The following OTUD7A variants were observed in gnomAD, a reference collection of about 807,000 sequenced individuals.
OTUD7A encodes OTU deubiquitinase 7A, also known as OTU domain-containing protein 7A.
In OTUD7A, 12 loss-of-function variants were observed where a neutral mutation model predicts 65.7. That is an observed-to-expected ratio of 0.18 (90% CI 0.12 to 0.30). The LOEUF (loss-of-function observed/expected upper bound fraction) is 0.30, where lower values mean the gene tolerates loss of function less well. Among genes scored for constraint, OTUD7A ranks in the 10% least tolerant of loss-of-function variants. The pLI is 1.00. For missense variants in OTUD7A, 1,148 were observed against 1,304.8 expected, an observed-to-expected ratio of 0.88 and a Z score of 1.85; for synonymous variants, 641 against 586.3, an observed-to-expected ratio of 1.09 and a Z score of -1.35.
chr15:31,556,846 T>C (rs943999807), intron 5 of OTUD7A: 3 of 152,268 alleles, frequency 2.0e-5, no homozygotes, highest in African/African-American at 4.8e-5. Context: ...GCTTTTTCTA[T>C]TGAAAATATC....
chr15:31,549,929 A>C (rs1182077727), intron 5 of OTUD7A, among the ~76,000 whole-genome samples: 1 of 151,896 alleles, frequency 6.6e-6, no homozygotes, highest in African/African-American at 2.4e-5. Context: ...TACATACAAA[A>C]TACTCTACTA....
At chr15:31,529,792 C>A (rs2042062051) in intron 6 of OTUD7A, among the ~76,000 whole-genome samples, 1 of 152,160 alleles carries the variant, frequency 6.6e-6, no homozygotes, top group African/African-American at 2.4e-5. Flanking sequence ...TAGGTCATGG[C>A]ACCCAGTTAA....
chr15:31,832,730 A>G (rs1468828462), intron 1 of OTUD7A, among the ~76,000 whole-genome samples: 2 of 152,356 alleles, frequency 1.3e-5, no homozygotes, highest in African/African-American at 2.4e-5. Flanking sequence ...TATTTCACTT[A>G]GCATAATGTC....
intron 5 of OTUD7A, chr15:31,556,520 T>C (rs1212080208): frequency 1.3e-5 from 2 of 152,160 alleles, no homozygotes; most frequent in African/African-American, 4.8e-5. Flanking sequence ...AGGTAAAATA[T>C]AAGTGATAAA....
intron 1 of OTUD7A, among the ~76,000 whole-genome samples, chr15:31,747,300 C>A (rs1296310302): frequency 6.6e-6 from 1 of 152,130 alleles, no homozygotes; most frequent in Non-Finnish European, 1.5e-5. Flanking sequence ...TGAGCACATC[C>A]AGCACCCAAA....
At chr15:31,518,589 G>T (rs16956825) in intron 8 of OTUD7A, among the ~76,000 whole-genome samples, 4,112 of 152,318 alleles carry the variant, frequency 0.027, 187 homozygotes, top group African/African-American at 0.094. Flanking sequence ...ATACTCACTA[G>T]TCCAACCACT....
At chr15:31,851,317 G>T (rs1455603315) in intron 1 of OTUD7A, among the ~76,000 whole-genome samples, 1 of 152,188 alleles carries the variant, frequency 6.6e-6, no homozygotes, top group Non-Finnish European at 1.5e-5. Flanking sequence ...GAAATTAGAA[G>T]ATGTAATGAA....
At chr15:31,654,746 G>T (rs1276968798) in intron 3 of OTUD7A, among the ~76,000 whole-genome samples, 1 of 152,140 alleles carries the variant, frequency 6.6e-6, no homozygotes, top group East Asian at 1.9e-4. Flanking sequence ...GAGGATGAAG[G>T]CTGTCTTCTT....
At chr15:31,789,471 G>A (rs565374275) in intron 1 of OTUD7A, among the ~76,000 whole-genome samples, 11 of 152,214 alleles carry the variant, frequency 7.2e-5, no homozygotes, top group African/African-American at 2.4e-4. Flanking sequence ...ACATGAAAAG[G>A]GCAACACATT....
intron 1 of OTUD7A, among the ~76,000 whole-genome samples, chr15:31,686,437 C>A (rs1892838549): frequency 6.6e-6 from 1 of 152,248 alleles, no homozygotes; most frequent in South Asian, 2.1e-4. Context: ...TCCACACACT[C>A]AAGTGAAACT....
intron 1 of OTUD7A, among the ~76,000 whole-genome samples, chr15:31,865,168 C>T (rs1897846171): frequency 6.6e-6 from 1 of 152,212 alleles, no homozygotes; most frequent in Admixed American, 6.5e-5. Flanking sequence ...AAAACAAATA[C>T]TCCAATTCAT....
rs181145059 is a variant in OTUD7A at position 31,767,451 on chromosome 15, T to C, written c.-100+103056A>G. ...ATTCATATCATTGCTTCTTGGCCAA[T>C]TTGCTAGGCACTTCATGGCAGATAA... is the stretch of plus-strand genomic sequence containing the variant. On this transcript the variant is annotated intron_variant, in intron 1 of 12. Transcript: ENST00000307050. 1.2e-3 allele frequency: 957 copies of C among 774,052 alleles called. 13 individuals are homozygous for C. The highest frequency in any genetic ancestry group is 0.011 in the South Asian group (788 of 74,520). The allele number at this position is 774,052 out of a possible 1,614,324, so 47.9% of individuals were successfully genotyped here.
chr15:31,628,603 AAAG>A (rs1891039954), intron 3 of OTUD7A, among the ~76,000 whole-genome samples: 1 of 152,154 alleles, frequency 6.6e-6, no homozygotes, highest in Admixed American at 6.6e-5. Context: ...TATCAACTTT[AAAG>A]TAGTTTTTTC....
At chr15:31,773,054 A>G (rs1191260116) in intron 1 of OTUD7A, among the ~76,000 whole-genome samples, 1 of 152,238 alleles carries the variant, frequency 6.6e-6, no homozygotes, top group Non-Finnish European at 1.5e-5. Context: ...TAATATGTAG[A>G]TATAAACCTA....
chr15:31,783,558 T>C (rs1294419524), intron 1 of OTUD7A, among the ~76,000 whole-genome samples: 1 of 152,080 alleles, frequency 6.6e-6, no homozygotes, highest in East Asian at 1.9e-4. Flanking sequence ...CCGAAAACAG[T>C]TTAAGAATAT....
At chr15:31,608,251 A>G (rs1890293902) in intron 3 of OTUD7A, among the ~76,000 whole-genome samples, 1 of 152,220 alleles carries the variant, frequency 6.6e-6, no homozygotes, top group Non-Finnish European at 1.5e-5. Flanking sequence ...CAAAGAAGAA[A>G]AAAAAAGAAT....
rs1555425282 is a variant in OTUD7A at position 31,860,677 on chromosome 15, G to GTATATATATATA, written c.-100+9818_-100+9829dup. The stretch of plus-strand genomic sequence containing the variant: ...TGTGTGTATATATAGATGTATGTGT[G>GTATATATATATA]TATATATATATATATATATATATGT... On this transcript the variant is annotated intron_variant, in intron 1 of 12. Coordinates refer to ENST00000307050, the MANE Select transcript of OTUD7A (RefSeq NM_001382637.1). Among the ~76,000 whole-genome samples the GTATATATATATA allele has an allele frequency of 4.8e-3, 350 of 73,278 alleles. 7 individuals are homozygous for GTATATATATATA. Among genetic ancestry groups the GTATATATATATA allele is most frequent in the East Asian group, 0.011 (24 of 2,248 alleles). The allele number at this position is 73,278 out of a possible 152,430, so 48.1% of individuals were successfully genotyped here. A position where few individuals can be genotyped will look rare whatever the true frequency, so the allele number is the denominator to read the frequency against.
At chr15:31,672,443 ATC>A (rs951540624) in intron 1 of OTUD7A, among the ~76,000 whole-genome samples, 15 of 152,222 alleles carry the variant, frequency 9.9e-5, no homozygotes, top group Middle Eastern at 3.2e-3. Flanking sequence ...TCCCCTATCT[ATC>A]TCACTAAGGA....
intron 1 of OTUD7A, among the ~76,000 whole-genome samples, chr15:31,687,207 G>T (rs1892858755): frequency 6.6e-6 from 1 of 152,122 alleles, no homozygotes; most frequent in African/African-American, 2.4e-5. Flanking sequence ...GGCCTAGCGA[G>T]GGGAGGCAGT....
Sources: gnomAD v4.1 joint callset for allele counts (sites outside exome capture counted in the v4.1 genomes callset) on GRCh38, gnomAD v4.1.1 for gene constraint, MANE v1.5 for transcripts, NCBI Gene and HGNC (gene_info 2026-07-23, HGNC 2026-07-21) for gene names.